CDH8: variants seen among roughly 807,000 people sequenced by gnomAD.
CDH8 encodes the protein cadherin 8, also known as cadherin-8.
Under a neutral mutation model 68.1 loss-of-function variants are expected in CDH8, and 17 were observed. The ratio of observed to expected loss-of-function variants is 0.25; its 90% CI spans 0.17 to 0.37. The LOEUF (loss-of-function observed/expected upper bound fraction) is 0.37. Ranked by LOEUF, CDH8 falls within the 10% of genes least tolerant of loss-of-function variation. The probability of loss-of-function intolerance (pLI) is 1.00; values close to 1 mark genes in which losing one functional copy is unlikely to be tolerated. For synonymous variants in CDH8, 372 were observed against 365.1 expected (o/e 1.02, Z -0.21); for missense variants, 763 against 999.3 (o/e 0.76, Z 3.19).
Position 61,973,525 on chromosome 16 carries a change from C to T in CDH8, c.252+47627G>A, listed in dbSNP as rs142141289. Among the ~76,000 whole-genome samples the T allele has an allele frequency of 6.6e-3, 1,005 of 152,274 alleles. 5 individuals carry two copies. The highest frequency in any genetic ancestry group is 0.012 in the South Asian group (56 of 4,830). On this transcript the variant is annotated intron_variant, in intron 2 of 11. Coordinates refer to ENST00000577390, the MANE Select transcript of CDH8 (RefSeq NM_001796.5). ...GCAGTGTTAAAAGGTCAACTGTGTA[C>T]GGCTCTTCAGAGTCCTGAATCAGGT...
At chr16:61,895,814 T>C (rs1963859844) in intron 3 of CDH8, among the ~76,000 whole-genome samples, 1 of 152,162 alleles carries the variant, frequency 6.6e-6, no homozygotes, top group Admixed American at 6.6e-5. Context: ...GGAATGGTTG[T>C]AAAGAAACTA....
Position 61,727,100 on chromosome 16 carries a change from G to A in CDH8, c.1530C>T (p.Pro510=), listed in dbSNP as rs200934735. The change falls in exon 9 of 12, where the codon CCC becomes CCT. Residue 510 remains proline, a synonymous_variant. Coordinates refer to ENST00000577390, the MANE Select transcript of CDH8 (RefSeq NM_001796.5). ...ACAACATGGAGATATTTACTTGGCC[G>A]GGTTTTCCATTTTCACATAAAAATG... ...YEAFLCENGK[P]GQVIQTVSAM... 6.4e-5 allele frequency: 103 copies of A among 1,610,578 alleles called. No homozygotes were observed. The highest frequency in any genetic ancestry group is 2.8e-4 in the Admixed American group (17 of 59,662).
intron 2 of CDH8, among the ~76,000 whole-genome samples, chr16:62,006,426 C>A (rs1965976506): frequency 6.6e-6 from 1 of 152,104 alleles, no homozygotes; most frequent in South Asian, 2.1e-4. Flanking sequence ...TATTAGCCAA[C>A]CTGGGACAGT....
chr16:61,662,236 T>A (rs977554981), intron 10 of CDH8, among the ~76,000 whole-genome samples: 1 of 151,888 alleles, frequency 6.6e-6, no homozygotes, highest in East Asian at 1.9e-4. Context: ...TATTCAACAA[T>A]CTTCTTTTCA....
intron 4 of CDH8, among the ~76,000 whole-genome samples, chr16:61,831,899 C>G (rs539316488): frequency 6.6e-6 from 1 of 151,772 alleles, no homozygotes; most frequent in African/African-American, 2.4e-5. Context: ...GCTTTGTTAT[C>G]CCCAAAAACC....
intron 2 of CDH8, among the ~76,000 whole-genome samples, chr16:61,916,691 A>G (rs1964244180): frequency 6.6e-6 from 1 of 152,204 alleles, no homozygotes. Flanking sequence ...ATACTAATAG[A>G]TATGGAAAGG....
At position 61,653,481 on chromosome 16, in the gene CDH8, T is replaced by C. The variant is rs183825847; in HGVS notation, c.*127A>G. On this transcript the variant is annotated 3_prime_UTR_variant, in exon 12 of 12. Transcript: ENST00000577390. ...TTTTTGGTTCAACATTAAAATGTGG[T>C]TGAGTTTATAGATGACTGGTGCTAA... 22 of 1,471,040 alleles carry C rather than the reference T, an allele frequency of 1.5e-5. No homozygotes were observed. The Admixed American group carries it at 5.6e-4, about 38-fold the overall frequency. The allele number at this position is 1,471,040 out of a possible 1,614,324, so 91.1% of individuals were successfully genotyped here.
intron 2 of CDH8, among the ~76,000 whole-genome samples, chr16:62,003,417 T>G (rs1965925864): frequency 6.6e-6 from 1 of 152,230 alleles, no homozygotes; most frequent in South Asian, 2.1e-4. Flanking sequence ...AATAACGTGC[T>G]TTATATGCAA....
intron 2 of CDH8, among the ~76,000 whole-genome samples, chr16:61,912,221 G>A (rs1056548036): frequency 2.6e-5 from 4 of 151,704 alleles, no homozygotes; most frequent in Admixed American, 1.3e-4. Flanking sequence ...TACAATTGAG[G>A]TTTTTAAAAA....
intron 2 of CDH8, among the ~76,000 whole-genome samples, chr16:61,977,323 A>G (rs1965452615): frequency 6.6e-6 from 1 of 152,194 alleles, no homozygotes; most frequent in African/African-American, 2.4e-5. Flanking sequence ...GTCTTGTATT[A>G]CAAATCTTAA....
intron 10 of CDH8, among the ~76,000 whole-genome samples, chr16:61,689,926 C>G (rs935061889): frequency 2.0e-5 from 3 of 151,958 alleles, no homozygotes; most frequent in Non-Finnish European, 2.9e-5. Flanking sequence ...ATACAACAGT[C>G]TGACCATGTT....
In CDH8 at chr16:61,649,869, C is replaced by G. The variant is rs1963282472; in HGVS notation, c.*3739G>C. Reference sequence around the variant, plus strand: ...TGTTGAGTCTCAGTGTGGAATCCAGCTGCTCCTAGGAGATTTCTAAGTCTC... The same window carrying G: ...TGTTGAGTCTCAGTGTGGAATCCAGGTGCTCCTAGGAGATTTCTAAGTCTC... On this transcript the variant is annotated 3_prime_UTR_variant, in exon 12 of 12. Transcript: ENST00000577390. 1 of 152,106 alleles carries G rather than the reference C, an allele frequency of 6.6e-6. No homozygotes were observed. Among genetic ancestry groups the G allele is most frequent in the African/African-American group, 2.4e-5 (1 of 41,432 alleles). The allele number at this position is 152,106 out of a possible 1,614,324, so 9.4% of individuals were successfully genotyped here.
intron 3 of CDH8, among the ~76,000 whole-genome samples, chr16:61,868,808 G>A (rs1228420490): frequency 6.6e-6 from 1 of 152,130 alleles, no homozygotes; most frequent in Non-Finnish European, 1.5e-5. Context: ...TTTAAAAAAT[G>A]TATTGAAAAC....
At chr16:61,697,096 G>C (rs895964724) in intron 10 of CDH8, among the ~76,000 whole-genome samples, 4 of 152,122 alleles carry the variant, frequency 2.6e-5, no homozygotes, top group African/African-American at 9.7e-5. Context: ...CTAAAATAAA[G>C]GTTGTAGAAA....
intron 10 of CDH8, among the ~76,000 whole-genome samples, chr16:61,660,352 G>C (rs1963531612): frequency 6.6e-6 from 1 of 151,334 alleles, no homozygotes; most frequent in Non-Finnish European, 1.5e-5. Context: ...CAGTAGACTT[G>C]AATTGGCAAA....
chr16:61,956,623 A>G (rs1964993471), intron 2 of CDH8, among the ~76,000 whole-genome samples: 1 of 152,216 alleles, frequency 6.6e-6, no homozygotes, highest in African/African-American at 2.4e-5. Flanking sequence ...CAGTATTTTT[A>G]TGATGCTGCT....
At chr16:61,820,513 C>A (rs879936269) in intron 6 of CDH8, among the ~76,000 whole-genome samples, 4 of 151,670 alleles carry the variant, frequency 2.6e-5, no homozygotes, top group Non-Finnish European at 4.4e-5. Context: ...ACTGAGAATC[C>A]TTTTACAATC....
At chr16:61,911,143 A>T (rs1275761028) in intron 2 of CDH8, among the ~76,000 whole-genome samples, 1 of 152,022 alleles carries the variant, frequency 6.6e-6, no homozygotes, top group Non-Finnish European at 1.5e-5. Context: ...TAGGTGAATA[A>T]CTCCAAGAGT....
At chr16:61,839,619 T>C (rs1962641923) in intron 4 of CDH8, among the ~76,000 whole-genome samples, 1 of 152,120 alleles carries the variant, frequency 6.6e-6, no homozygotes, top group Non-Finnish European at 1.5e-5. Flanking sequence ...CCTGATCTCT[T>C]AGCACCCCAC....
Sources: allele counts gnomAD v4.1 joint callset (sites outside exome capture counted in the v4.1 genomes callset), GRCh38; gene constraint gnomAD v4.1.1; transcripts MANE v1.5; gene names NCBI Gene and HGNC (gene_info 2026-07-23, HGNC 2026-07-21).